The following PRKG1 variants were observed in gnomAD, a reference collection of about 807,000 sequenced individuals.
PRKG1 encodes cGMP-dependent protein kinase 1.
A neutral mutation model predicts 88.1 loss-of-function variants in PRKG1; 35 were observed. The ratio of observed to expected loss-of-function variants is 0.40; its 90% confidence interval spans 0.30 to 0.53. PRKG1 has a LOEUF of 0.53. Ranked by LOEUF, PRKG1 falls within the 20% of genes least tolerant of loss-of-function variation. PRKG1 has a pLI of 0.59. For missense variants in PRKG1, 540 were observed against 839.8 expected, an observed-to-expected ratio of 0.64 and a Z score of 4.41; for synonymous variants, 303 against 292.5, an observed-to-expected ratio of 1.04 and a Z score of -0.37.
chr10:51,699,733 G>A (rs1415682278), intron 3 of PRKG1: 8 of 625,088 alleles, frequency 1.3e-5, no homozygotes, highest in Non-Finnish European at 1.9e-5. Flanking sequence ...AATGCTTTCA[G>A]TCCCTGATCC....
chr10:51,277,936 A>G (rs1431545149), intron 2 of PRKG1, among the ~76,000 whole-genome samples: 2 of 152,234 alleles, frequency 1.3e-5, no homozygotes, highest in African/African-American at 2.4e-5. Flanking sequence ...CTAATTGAAT[A>G]CCCTTTCTTT....
intron 3 of PRKG1, among the ~76,000 whole-genome samples, chr10:51,538,625 A>G (rs903862072): frequency 8.6e-5 from 13 of 151,010 alleles, no homozygotes; most frequent in African/African-American, 3.2e-4. Flanking sequence ...ACTGTGGCAT[A>G]ATGTTAACCC....
chr10:51,753,346 G>GT (rs1564633458), intron 3 of PRKG1, among the ~76,000 whole-genome samples: 1 of 151,800 alleles, frequency 6.6e-6, no homozygotes, highest in African/African-American at 2.4e-5. Context: ...GTCAATTACT[G>GT]TTTAATTGCT....
intron 7 of PRKG1, chr10:52,128,440 G>A (rs890278138): frequency 6.1e-6 from 6 of 985,304 alleles, no homozygotes; most frequent in East Asian, 1.1e-4. Context: ...CAGAAGAGCC[G>A]ATGTAAATTC....
At chr10:51,733,684 A>C (rs1309894941) in intron 3 of PRKG1, among the ~76,000 whole-genome samples, 1 of 152,208 alleles carries the variant, frequency 6.6e-6, no homozygotes, top group Non-Finnish European at 1.5e-5. Context: ...ATAGGAATAG[A>C]GCACTGTAAG....
intron 3 of PRKG1, among the ~76,000 whole-genome samples, chr10:51,745,500 T>A (rs1837553387): frequency 1.3e-5 from 2 of 152,184 alleles, no homozygotes; most frequent in African/African-American, 4.8e-5. Flanking sequence ...ATATGCATTT[T>A]TAGATACATT....
intron 5 of PRKG1, among the ~76,000 whole-genome samples, chr10:51,921,766 G>A (rs975325396): frequency 3.3e-5 from 5 of 151,940 alleles, no homozygotes; most frequent in Non-Finnish European, 7.4e-5. Context: ...TAAATACTAC[G>A]TAGTCATGGT....
intron 1 of PRKG1, among the ~76,000 whole-genome samples, chr10:51,041,497 T>C (rs1487766122): frequency 1.3e-5 from 2 of 152,176 alleles, no homozygotes; most frequent in Non-Finnish European, 2.9e-5. Context: ...CTGGCTACCA[T>C]TGCTGATTAT....
At chr10:51,642,004 C>A (rs1201025512) in intron 3 of PRKG1, among the ~76,000 whole-genome samples, 2 of 152,106 alleles carry the variant, frequency 1.3e-5, no homozygotes, top group African/African-American at 4.8e-5. Context: ...CGTGGTAAAT[C>A]AATTATAAAA....
intron 4 of PRKG1, among the ~76,000 whole-genome samples, chr10:51,805,286 A>G (rs1839275570): frequency 6.6e-6 from 1 of 152,016 alleles, no homozygotes; most frequent in South Asian, 2.1e-4. Context: ...ATATTATCAT[A>G]ATAACTCAAT....
intron 9 of PRKG1, among the ~76,000 whole-genome samples, chr10:52,205,226 C>T (rs1254372953): frequency 6.6e-6 from 1 of 152,114 alleles, no homozygotes; most frequent in East Asian, 1.9e-4. Flanking sequence ...TGACCTTCTG[C>T]CTTGTGATCT....
At chr10:52,250,542 C>T (rs934138479) in intron 9 of PRKG1, among the ~76,000 whole-genome samples, 2 of 152,160 alleles carry the variant, frequency 1.3e-5, no homozygotes, top group African/African-American at 4.8e-5. Flanking sequence ...AGTATCATTA[C>T]CTCAAGTGCA....
At chr10:51,772,709 C>G in intron 3 of PRKG1, among the ~76,000 whole-genome samples, 1 of 151,658 alleles carries the variant, frequency 6.6e-6, no homozygotes, top group African/African-American at 2.4e-5. Context: ...TAATTATGGT[C>G]ACAGAGATTC....
rs1358641112 is a variant in PRKG1 at position 52,171,785 on chromosome 10, A to ATTTT, written c.1076+9822_1076+9823insTTTT. ...AATAGAAGTATTTTTCTTTTATCAA[A>ATTTT]ATTTTTTTTTTTTTTTTTTTTTTTT... On this transcript the variant is annotated intron_variant, in intron 9 of 17. Transcript: ENST00000373980. Among the ~76,000 whole-genome samples, 673 of 122,574 alleles carry ATTTT rather than the reference A, an allele frequency of 5.5e-3. 45 individuals are homozygous for ATTTT. The highest frequency in any genetic ancestry group is 0.023 in the African/African-American group (619 of 27,460). 80.4% of individuals were successfully genotyped at this position (122,574 alleles called of 152,430 possible). A position where few individuals can be genotyped will look rare whatever the true frequency, so the allele number is the denominator to read the frequency against.
chr10:52,050,183 G>A (rs1490180167), intron 5 of PRKG1, among the ~76,000 whole-genome samples: 1 of 152,030 alleles, frequency 6.6e-6, no homozygotes, highest in East Asian at 1.9e-4. Context: ...GCTCAGGCCT[G>A]GTGGTGGCAC....
At chr10:51,291,669 A>C (rs768844981) in intron 2 of PRKG1, among the ~76,000 whole-genome samples, 4 of 152,188 alleles carry the variant, frequency 2.6e-5, no homozygotes, top group African/African-American at 4.8e-5. Flanking sequence ...CCCCCTTAAA[A>C]GAAAGAGTGT....
chr10:51,864,392 C>T (rs1338468775), intron 4 of PRKG1, among the ~76,000 whole-genome samples: 1 of 152,104 alleles, frequency 6.6e-6, no homozygotes, highest in Non-Finnish European at 1.5e-5. Context: ...TCATATTCTA[C>T]ATGTGTGATG....
At chr10:51,537,218 TG>T (rs1299247198) in intron 3 of PRKG1, among the ~76,000 whole-genome samples, 1 of 152,212 alleles carries the variant, frequency 6.6e-6, no homozygotes, top group Non-Finnish European at 1.5e-5. Context: ...AATTGTGATT[TG>T]TTTACTTTTT....
chr10:51,559,082 C>T (rs1837390026), intron 3 of PRKG1, among the ~76,000 whole-genome samples: 1 of 151,952 alleles, frequency 6.6e-6, no homozygotes. Flanking sequence ...TCTTACTATG[C>T]CTAATTTATA....
Sources: allele counts gnomAD v4.1 joint callset (sites outside exome capture counted in the v4.1 genomes callset), GRCh38; gene constraint gnomAD v4.1.1; transcripts MANE v1.5; gene names NCBI Gene and HGNC (gene_info 2026-07-23, HGNC 2026-07-21).